Variants in CDH13 observed in about 807,000 individuals in gnomAD.
CDH13 encodes cadherin-13.
Under a neutral mutation model 63.8 loss-of-function variants are expected in CDH13, and 24 were observed. That is an observed-to-expected ratio of 0.38 (90% CI 0.27 to 0.53). The LOEUF (loss-of-function observed/expected upper bound fraction) is 0.53. Ranked by LOEUF, CDH13 falls within the 20% of genes least tolerant of loss-of-function variation. CDH13 has a pLI of 0.85. For synonymous variants in CDH13, 503 were observed against 355.3 expected (o/e 1.42, Z -4.67); for missense variants, 1,049 against 903.1 (o/e 1.16, Z -2.07).
chr16:83,605,880 G>A (rs572974791), intron 8 of CDH13, among the ~76,000 whole-genome samples: 23 of 152,308 alleles, frequency 1.5e-4, no homozygotes, highest in African/African-American at 5.5e-4. Context: ...TAGAGTTCTA[G>A]GGGAGAAGCA....
At chr16:83,455,247 A>G (rs778323564) in intron 6 of CDH13, among the ~76,000 whole-genome samples, 3 of 152,190 alleles carry the variant, frequency 2.0e-5, no homozygotes, top group Non-Finnish European at 4.4e-5. Context: ...GTGGAGTGAG[A>G]CAAGGAAACT....
At chr16:82,773,048 A>T (rs8060885) in intron 1 of CDH13, among the ~76,000 whole-genome samples, 34,890 of 152,144 alleles carry the variant, frequency 0.23, 4,497 homozygotes, top group South Asian at 0.36. Flanking sequence ...TGTGGAAAGG[A>T]TAGAACTCAA....
intron 6 of CDH13, among the ~76,000 whole-genome samples, chr16:83,385,637 A>G (rs1416753784): frequency 3.9e-5 from 6 of 152,202 alleles, no homozygotes; most frequent in African/African-American, 1.2e-4. Flanking sequence ...TTGAGGTGAC[A>G]TTCAGCTCTT....
chr16:82,911,302 A>G (rs1411690985), intron 2 of CDH13, among the ~76,000 whole-genome samples: 2 of 152,212 alleles, frequency 1.3e-5, no homozygotes, highest in Non-Finnish European at 2.9e-5. Context: ...AACATCAAGG[A>G]ATAGTTTATC....
intron 3 of CDH13, among the ~76,000 whole-genome samples, chr16:83,093,106 T>C (rs1278798631): frequency 1.3e-5 from 2 of 152,104 alleles, no homozygotes; most frequent in African/African-American, 4.8e-5. Context: ...TCAACCTCCA[T>C]CTATAAAAGA....
chr16:83,334,301 C>G (rs980336830), intron 5 of CDH13, among the ~76,000 whole-genome samples: 5 of 151,104 alleles, frequency 3.3e-5, no homozygotes, highest in African/African-American at 1.2e-4. Flanking sequence ...CTCTCCCTCT[C>G]TCTCCCCCCT....
chr16:83,426,738 C>T (rs1429755709), intron 6 of CDH13, among the ~76,000 whole-genome samples: 2 of 151,866 alleles, frequency 1.3e-5, no homozygotes, highest in African/African-American at 4.8e-5. Context: ...TCTCCCTAAG[C>T]CCTTAGTGAT....
chr16:83,778,394 G>C (rs970088112), intron 11 of CDH13, among the ~76,000 whole-genome samples: 1 of 152,072 alleles, frequency 6.6e-6, no homozygotes, highest in African/African-American at 2.4e-5. Flanking sequence ...GCTGGACATT[G>C]TGTTGCACAC....
intron 7 of CDH13, among the ~76,000 whole-genome samples, chr16:83,492,769 A>C (rs1051919135): frequency 3.3e-5 from 5 of 152,136 alleles, no homozygotes; most frequent in African/African-American, 1.2e-4. Context: ...GAGATGGGGA[A>C]GGCCAGGGTC....
At chr16:83,284,303 C>T (rs2089256134) in intron 5 of CDH13, among the ~76,000 whole-genome samples, 1 of 152,142 alleles carries the variant, frequency 6.6e-6, no homozygotes, top group African/African-American at 2.4e-5. Context: ...CTAGATGGCG[C>T]TGGACTTACT....
rs368204023 is a variant in CDH13, at chr16:83,533,237, C to T, written c.960+46582C>T. On this transcript the variant is annotated intron_variant, in intron 7 of 13. Transcript: ENST00000567109. ...ATAGGTAAACTTCCCCTCAATGCGA[C>T]GGCTCACTTTTCATTGGTGTGTATT... 9.8e-5 allele frequency among the ~76,000 whole-genome samples: 15 copies of T among 152,298 alleles called. No homozygotes were observed. In the East Asian group the frequency reaches 1.7e-3, roughly 18 times the overall value.
At chr16:82,871,855 C>A (rs1216440754) in intron 2 of CDH13, among the ~76,000 whole-genome samples, 2 of 152,252 alleles carry the variant, frequency 1.3e-5, no homozygotes, top group East Asian at 3.9e-4. Context: ...TCCAAGATGG[C>A]CACCAGCAAT....
intron 6 of CDH13, among the ~76,000 whole-genome samples, chr16:83,402,652 C>A (rs2091985374): frequency 6.6e-6 from 1 of 152,132 alleles, no homozygotes; most frequent in Admixed American, 6.5e-5. Flanking sequence ...ATAATATATG[C>A]CTTGTAAGTT....
intron 1 of CDH13, among the ~76,000 whole-genome samples, chr16:82,676,250 T>C (rs1394234904): frequency 1.3e-5 from 2 of 152,154 alleles, no homozygotes; most frequent in African/African-American, 2.4e-5. Flanking sequence ...TTCTTACATG[T>C]CTCAAAGGCA....
intron 4 of CDH13, among the ~76,000 whole-genome samples, chr16:83,208,757 A>G (rs1484699461): frequency 6.6e-6 from 1 of 152,204 alleles, no homozygotes; most frequent in Non-Finnish European, 1.5e-5. Flanking sequence ...AATAATGCAT[A>G]TGTATAGTTA....
At chr16:83,549,557 A>G (rs1246520846) in intron 7 of CDH13, among the ~76,000 whole-genome samples, 1 of 151,680 alleles carries the variant, frequency 6.6e-6, no homozygotes, top group Non-Finnish European at 1.5e-5. Context: ...GCTTATGATC[A>G]TATTCCAGCA....
intron 1 of CDH13, among the ~76,000 whole-genome samples, chr16:82,722,057 AAG>A (rs2032809333): frequency 6.6e-6 from 1 of 152,208 alleles, no homozygotes; most frequent in African/African-American, 2.4e-5. Context: ...GGATTCAAGG[AAG>A]ACTTGTTGGT....
intron 5 of CDH13, among the ~76,000 whole-genome samples, chr16:83,307,389 C>A (rs1236547837): frequency 6.6e-6 from 1 of 152,202 alleles, no homozygotes; most frequent in East Asian, 1.9e-4. Flanking sequence ...GGCAGTGCTA[C>A]CTCACTTCCT....
chr16:82,814,147 GC>G (rs2037588755), intron 1 of CDH13, among the ~76,000 whole-genome samples: 1 of 152,054 alleles, frequency 6.6e-6, no homozygotes, highest in African/African-American at 2.4e-5. Context: ...TTTGGTCTCT[GC>G]CCCCAGTTCT....
Sources: allele counts gnomAD v4.1 joint callset (sites outside exome capture counted in the v4.1 genomes callset), GRCh38; gene constraint gnomAD v4.1.1; transcripts MANE v1.5; gene names NCBI Gene and HGNC (gene_info 2026-07-23, HGNC 2026-07-21).